HS3ST5: variants seen among roughly 807,000 people sequenced by gnomAD.
The protein encoded by HS3ST5 is heparan sulfate glucosamine 3-O-sulfotransferase 5.
HS3ST5 carries 10 observed loss-of-function variants against 25.4 expected under a neutral mutation model. That is an observed-to-expected ratio of 0.39 (90% CI 0.24 to 0.67). The LOEUF (loss-of-function observed/expected upper bound fraction) is 0.67. Among genes scored for constraint, HS3ST5 ranks in the 30% least tolerant of loss-of-function variants. HS3ST5 has a pLI of 0.44. For missense variants in HS3ST5, 324 were observed against 420.7 expected (o/e 0.77, Z 2.01); for synonymous variants, 170 against 162.4 (o/e 1.05, Z -0.36).
intron 1 of HS3ST5, among the ~76,000 whole-genome samples, chr6:114,309,958 T>C (rs532985625): frequency 3.3e-5 from 5 of 152,314 alleles, no homozygotes; most frequent in African/African-American, 1.2e-4. Context: ...AGTATCTATA[T>C]TTACGTATAC....
chr6:114,106,779 A>T (rs1469934252), intron 3 of HS3ST5, among the ~76,000 whole-genome samples: 7 of 152,138 alleles, frequency 4.6e-5, no homozygotes. Context: ...CTGAGAACAC[A>T]TACAATCATC....
chr6:114,157,906 A>G (rs900427637), intron 3 of HS3ST5, among the ~76,000 whole-genome samples: 1 of 151,906 alleles, frequency 6.6e-6, no homozygotes, highest in Non-Finnish European at 1.5e-5. Flanking sequence ...GGCTTTCTTG[A>G]AATCTTTCTG....
intron 3 of HS3ST5, among the ~76,000 whole-genome samples, chr6:114,157,378 C>A (rs1778748502): frequency 6.6e-6 from 1 of 152,228 alleles, no homozygotes; most frequent in South Asian, 2.1e-4. Flanking sequence ...CATTTAAATC[C>A]ATTTAATGGC....
chr6:114,227,411 A>G (rs1002407755), intron 2 of HS3ST5, among the ~76,000 whole-genome samples: 8 of 151,862 alleles, frequency 5.3e-5, no homozygotes, highest in Admixed American at 3.3e-4. Context: ...TATAAAAATA[A>G]TATCTTATTG....
At chr6:114,231,324 T>C (rs1562246394) in intron 1 of HS3ST5, 2 of 152,376 alleles carry the variant, frequency 1.3e-5, no homozygotes, top group Non-Finnish European at 2.9e-5. Flanking sequence ...GCTTTCACCA[T>C]GTGATGTGCC....
At chr6:114,219,860 C>A (rs1008778846) in intron 2 of HS3ST5, among the ~76,000 whole-genome samples, 5 of 151,928 alleles carry the variant, frequency 3.3e-5, no homozygotes, top group African/African-American at 1.2e-4. Context: ...TTATATGATT[C>A]AAAAATGTAC....
intron 4 of HS3ST5, 34 bp downstream of exon 4, chr6:114,062,705 C>T (rs1773200368): frequency 7.3e-7 from 1 of 1,361,972 alleles, no homozygotes; most frequent in Admixed American, 1.7e-5. Flanking sequence ...GCCTTAATGT[C>T]ACAGGGGTAT....
chr6:114,250,651 G>A (rs570937107), intron 1 of HS3ST5, among the ~76,000 whole-genome samples: 15 of 151,998 alleles, frequency 9.9e-5, no homozygotes, highest in African/African-American at 3.1e-4. Context: ...CAAATATACT[G>A]CAAACTTTGA....
intron 1 of HS3ST5, among the ~76,000 whole-genome samples, chr6:114,307,551 G>A (rs920920461): frequency 2.0e-5 from 3 of 152,024 alleles, no homozygotes; most frequent in Non-Finnish European, 4.4e-5. Flanking sequence ...GGAGAATCAT[G>A]ATAAAAAATA....
chr6:114,263,522 G>A (rs1773269456), intron 1 of HS3ST5, among the ~76,000 whole-genome samples: 2 of 152,184 alleles, frequency 1.3e-5, no homozygotes, highest in South Asian at 4.1e-4. Context: ...GCCTTGAAAT[G>A]TGTTATTTTC....
chr6:114,112,470 G>A (rs1057030486), intron 3 of HS3ST5: 6 of 152,248 alleles, frequency 3.9e-5, no homozygotes, highest in Admixed American at 2.0e-4. Flanking sequence ...TATCCAGTTT[G>A]GACTTCTGAC....
chr6:114,078,932 C>A (rs751315388), intron 3 of HS3ST5, among the ~76,000 whole-genome samples: 9 of 152,116 alleles, frequency 5.9e-5, no homozygotes, highest in Non-Finnish European at 1.3e-4. Flanking sequence ...GTTTCCCAAG[C>A]ATATAAAAGT....
intron 2 of HS3ST5, among the ~76,000 whole-genome samples, chr6:114,172,168 T>C (rs978778383): frequency 9.2e-5 from 14 of 152,196 alleles, no homozygotes; most frequent in Admixed American, 2.0e-4. Flanking sequence ...AAGTAAGTTG[T>C]GCAGAATATT....
chr6:114,317,785 T>C (rs1174000314), intron 1 of HS3ST5, among the ~76,000 whole-genome samples: 2 of 10,376 alleles, frequency 1.9e-4, no homozygotes, highest in Middle Eastern at 0.056. Context: ...ATAAGAGTAA[T>C]GATGGGAGGC....
intron 1 of HS3ST5, among the ~76,000 whole-genome samples, chr6:114,296,040 A>G (rs1199754034): frequency 6.6e-6 from 1 of 152,220 alleles, no homozygotes; most frequent in Non-Finnish European, 1.5e-5. Context: ...ACGGTCACCT[A>G]TCTCTCAATG....
chr6:114,215,870 G>A, intron 2 of HS3ST5, among the ~76,000 whole-genome samples: 1 of 152,158 alleles, frequency 6.6e-6, no homozygotes, highest in East Asian at 1.9e-4. Context: ...TGTGACCGCT[G>A]ATGAGTCCAC....
rs537122777 is a variant in HS3ST5 at position 114,195,753 on chromosome 6, G to A, written c.-144-27291C>T. Among the ~76,000 whole-genome samples the A allele has an allele frequency of 7.2e-5, 11 of 152,224 alleles. No homozygotes were observed. In the South Asian group the frequency reaches 2.1e-3, roughly 29 times the overall value. ...TTCAGTTGGAGAGAGGAGAAAGAGG[G>A]AAAGTGGTCAAGCAGGCAGTTAGGG... On this transcript the variant is annotated intron_variant, in intron 2 of 4. Transcript: ENST00000312719.
At chr6:114,301,040 G>A (rs367958168) in intron 1 of HS3ST5, among the ~76,000 whole-genome samples, 4 of 152,296 alleles carry the variant, frequency 2.6e-5, no homozygotes, top group East Asian at 1.9e-4. Flanking sequence ...CGGGTGCAGG[G>A]ATTACTGAGG....
intron 1 of HS3ST5, among the ~76,000 whole-genome samples, chr6:114,299,166 G>C (rs1309152177): frequency 6.6e-6 from 1 of 152,068 alleles, no homozygotes; most frequent in African/African-American, 2.4e-5. Context: ...CTCTAAAATG[G>C]CCCCCTTGGG....
Sources: allele counts gnomAD v4.1 joint callset (sites outside exome capture counted in the v4.1 genomes callset), GRCh38; gene constraint gnomAD v4.1.1; transcripts MANE v1.5; gene names NCBI Gene and HGNC (gene_info 2026-07-23, HGNC 2026-07-21).